Variants in NR4A3 observed in about 807,000 individuals in gnomAD.
NR4A3 encodes the protein nuclear receptor subfamily 4 group A member 3.
NR4A3 carries 13 observed loss-of-function variants against 55.6 expected under a neutral mutation model. The ratio of observed to expected loss-of-function variants is 0.23; its 90% CI spans 0.15 to 0.37. The LOEUF is 0.37. Ranked by LOEUF, NR4A3 falls within the 10% of genes least tolerant of loss-of-function variation. The pLI, the probability that NR4A3 is intolerant of heterozygous loss-of-function variation, is 1.00. For missense variants in NR4A3, 646 were observed against 822.8 expected (o/e 0.79, Z 2.63); for synonymous variants, 342 against 357.9 (o/e 0.96, Z 0.50).
In NR4A3 at chr9:99,828,161, T is replaced by C; in HGVS notation, c.119T>C (p.Met40Thr). ...AACCCCGACTACACCAAGCTGACCA[T>C]GGACCTTGGCAGCACTGAGATCACG... ...IMNPDYTKLTMDLGSTEITAT... is the reference protein window; with the variant it reads ...IMNPDYTKLTTDLGSTEITAT... The change falls in exon 3 of 8, where the codon ATG becomes ACG. Residue 40 changes from methionine to threonine, a missense_variant. By Grantham distance (81) the Met-to-Thr change is moderately conservative (BLOSUM62 -1). Coordinates refer to ENST00000395097, the MANE Select transcript of NR4A3 (RefSeq NM_006981.4). The surrounding 1 kb of genome is among the most constrained non-coding windows in gnomAD (Gnocchi z 7.7). 6.2e-7 allele frequency: 1 copy of C among 1,614,028 alleles called. No homozygotes were observed. Among genetic ancestry groups the C allele is most frequent in the Non-Finnish European group, 8.5e-7 (1 of 1,179,980 alleles).
At chr9:99,848,184 G>A (rs1014581392) in intron 7 of NR4A3, among the ~76,000 whole-genome samples, 23 of 152,322 alleles carry the variant, frequency 1.5e-4, no homozygotes, top group African/African-American at 5.3e-4. Flanking sequence ...CAGAGGTGAT[G>A]AGGTTTCCCC....
At position 99,822,745 on chromosome 9, in the gene NR4A3, TCGGCGG is replaced by T. The variant is rs538379255; in HGVS notation, c.-177+355_-177+360del. On this transcript the variant is annotated intron_variant, in intron 1 of 7. Coordinates refer to ENST00000395097, the MANE Select transcript of NR4A3 (RefSeq NM_006981.4). This position sits in a 1 kb window ranked among gnomAD's most constrained non-coding sequence, Gnocchi z 4.9. ...TCTAGTTGTCATGGTAATGATGCTC[TCGGCGG>T]CGGCGGCGGCGGCGGCAGCGGCAGC... is the stretch of plus-strand genomic sequence containing the variant. Among the ~76,000 whole-genome samples the T allele has an allele frequency of 8.0e-4, 122 of 152,080 alleles. 1 individual carries two copies. The highest frequency in any genetic ancestry group is 2.8e-3 in the African/African-American group (116 of 41,494).
intron 7 of NR4A3, among the ~76,000 whole-genome samples, chr9:99,852,042 G>A (rs1827857737): frequency 1.3e-5 from 2 of 152,194 alleles, no homozygotes; most frequent in African/African-American, 2.4e-5. Context: ...GATGTATAGT[G>A]ATTAGTGCTC....
rs1827883948 is a variant in NR4A3, at chr9:99,853,292, C to T, written c.1633+5677C>T. On this transcript the variant is annotated intron_variant, in intron 7 of 7. Transcript: ENST00000395097. ...TAAAAGTGTTCATGCATCCCTGCAACTGAATATACACATTGTGTTAGGGAA... is the reference window on the plus strand; with the variant it reads ...TAAAAGTGTTCATGCATCCCTGCAATTGAATATACACATTGTGTTAGGGAA... Among the ~76,000 whole-genome samples the T allele has an allele frequency of 3.3e-5, 5 of 149,330 alleles. No homozygotes were observed. The South Asian group carries it at 1.1e-3, about 32-fold the overall frequency.
In NR4A3 at chr9:99,828,728, C is replaced by G; in HGVS notation, c.686C>G (p.Ala229Gly). The G allele has an allele frequency of 6.1e-6, 8 of 1,304,056 alleles. No homozygotes were observed. Among genetic ancestry groups the G allele is most frequent in the Non-Finnish European group, 7.8e-6 (8 of 1,030,132 alleles). 80.8% of individuals were successfully genotyped at this position (1,304,056 alleles called of 1,614,324 possible). ...AALSLPLGAA[A>G]AAGSQAAALE... is the part of the protein sequence containing the mutation. ...CTCAGCCTGCCGCTGGGAGCCGCAG[C>G]CGCCGCGGGCAGCCAGGCCGCCGCG... The change falls in exon 3 of 8, where the codon GCC becomes GGC. Residue 229 changes from alanine to glycine, a missense_variant. Around this residue, in one of 5 missense-constraint regions of NR4A3, gnomAD observed 426 missense variants for 429.4 expected, o/e 0.99. Coordinates refer to ENST00000395097, the MANE Select transcript of NR4A3 (RefSeq NM_006981.4). The surrounding 1 kb of genome is among the most constrained non-coding windows in gnomAD (Gnocchi z 7.7).
chr9:99,825,786 T>C lies in NR4A3; in HGVS notation c.-49T>C, dbSNP rs1827285692. The C allele has an allele frequency of 5.9e-6, 1 of 169,658 alleles. No homozygotes were observed. Among genetic ancestry groups the C allele is most frequent in the Admixed American group, 6.4e-5 (1 of 15,650 alleles). The allele number at this position is 169,658 out of a possible 1,614,324, so 10.5% of individuals were successfully genotyped here. A position where few individuals can be genotyped will look rare whatever the true frequency, so the allele number is the denominator to read the frequency against. ...CTCCTCCTACACTCTCAGCCTCCGC[T>C]GGAGAGACCCCCAGCCCCACCATTC... is the stretch of plus-strand genomic sequence containing the variant. On this transcript the variant is annotated 5_prime_UTR_variant, in exon 2 of 8. Transcript: ENST00000395097. The surrounding 1 kb of genome is among the most constrained non-coding windows in gnomAD (Gnocchi z 5.0).
intron 7 of NR4A3, among the ~76,000 whole-genome samples, chr9:99,849,185 T>G (rs1340439135): frequency 6.6e-6 from 1 of 152,246 alleles, no homozygotes; most frequent in Admixed American, 6.5e-5. Flanking sequence ...TAGCTAAGGT[T>G]AGATGTGTCT....
At chr9:99,863,258 G>GCCATTCATT (rs1187753129) in intron 7 of NR4A3, among the ~76,000 whole-genome samples, 1 of 152,154 alleles carries the variant, frequency 6.6e-6, no homozygotes, top group Non-Finnish European at 1.5e-5. Flanking sequence ...TAACCACCCT[G>GCCATTCATT]CCATTCATTC....
chr9:99,856,950 C>T (rs1176074677), intron 7 of NR4A3, among the ~76,000 whole-genome samples: 1 of 152,174 alleles, frequency 6.6e-6, no homozygotes, highest in Admixed American at 6.5e-5. Context: ...TACTCAGTGC[C>T]AGGCACTGTG....
chr9:99,858,429 G>A (rs1293246849), intron 7 of NR4A3, among the ~76,000 whole-genome samples: 1 of 152,154 alleles, frequency 6.6e-6, no homozygotes, highest in Non-Finnish European at 1.5e-5. Flanking sequence ...GAAATCCAAC[G>A]GTGTCTTTAG....
At chr9:99,834,102 A>G in intron 5 of NR4A3, 2 of 962,286 alleles carry the variant, frequency 2.1e-6, no homozygotes, top group Non-Finnish European at 2.5e-6. Context: ...ATGGTTGTGA[A>G]AATGTTTTTA....
intron 5 of NR4A3, among the ~76,000 whole-genome samples, chr9:99,841,646 C>T (rs1020960223): frequency 8.5e-5 from 13 of 152,170 alleles, no homozygotes; most frequent in African/African-American, 2.7e-4. Flanking sequence ...AGGGATGGTA[C>T]ACATGGTAAT....
chr9:99,848,970 A>G (rs966566959), intron 7 of NR4A3, among the ~76,000 whole-genome samples: 2 of 152,168 alleles, frequency 1.3e-5, no homozygotes, highest in African/African-American at 4.8e-5. Flanking sequence ...GGTCAGACAC[A>G]AGCACAGGCT....
Position 99,857,184 on chromosome 9 carries a change from C to G in NR4A3, c.1634-6436C>G, listed in dbSNP as rs149658812. Among the ~76,000 whole-genome samples, 83 of 151,922 alleles carry G rather than the reference C, an allele frequency of 5.5e-4. No individual in the cohort carries two copies. The Middle Eastern group carries it at 0.017, about 31-fold the overall frequency. On this transcript the variant is annotated intron_variant, in intron 7 of 7. Coordinates refer to ENST00000395097, the MANE Select transcript of NR4A3 (RefSeq NM_006981.4). ...ACAGAGATAATAACGGAAGTTCTTG[C>G]AATGGATTAAATATGATGGCTCGGG...
At chr9:99,833,678 G>A (rs1180140297) in intron 5 of NR4A3, 2 of 1,572,854 alleles carry the variant, frequency 1.3e-6, no homozygotes, top group Non-Finnish European at 8.6e-7. Context: ...CCCTGACAGT[G>A]CTGCACCTGT....
chr9:99,827,067 C>T (rs1352181096), intron 2 of NR4A3, among the ~76,000 whole-genome samples: 2 of 152,180 alleles, frequency 1.3e-5, no homozygotes, highest in African/African-American at 4.8e-5. Flanking sequence ...CCCTGGATAC[C>T]AGCCACTTTG....
chr9:99,860,995 G>T (rs1157063003), intron 7 of NR4A3, among the ~76,000 whole-genome samples: 1 of 152,192 alleles, frequency 6.6e-6, no homozygotes, highest in South Asian at 2.1e-4. Context: ...TAACAGCAAA[G>T]GCTGTGTATC....
intron 3 of NR4A3, among the ~76,000 whole-genome samples, chr9:99,829,705 G>C (rs1827402403): frequency 6.6e-6 from 1 of 152,024 alleles, no homozygotes; most frequent in Non-Finnish European, 1.5e-5. Context: ...ATAGAAGATA[G>C]AACTTGGGGT....
intron 5 of NR4A3, among the ~76,000 whole-genome samples, chr9:99,838,568 C>G (rs576090548): frequency 6.6e-6 from 1 of 152,234 alleles, no homozygotes; most frequent in African/African-American, 2.4e-5. Context: ...AGAGATTAAG[C>G]TAAATTCATT....
Sources: allele counts gnomAD v4.1 joint callset (sites outside exome capture counted in the v4.1 genomes callset), GRCh38; gene constraint gnomAD v4.1.1; regional missense constraint gnomAD v4.1.1; non-coding constraint Gnocchi (gnomAD v3.1); transcripts MANE v1.5; gene names NCBI Gene and HGNC (gene_info 2026-07-23, HGNC 2026-07-21).